The following UBN2 variants were observed in gnomAD, a reference collection of about 807,000 sequenced individuals.
The protein encoded by UBN2 is ubinuclein-2.
Under a neutral mutation model 120.2 loss-of-function variants are expected in UBN2, and 35 were observed. The ratio of observed to expected loss-of-function variants is 0.29; its 90% CI spans 0.22 to 0.39. UBN2 has a LOEUF of 0.39. Among genes scored for constraint, UBN2 ranks in the 10% least tolerant of loss-of-function variants. The pLI, the probability that UBN2 is intolerant of heterozygous loss-of-function variation, is 1.00. For synonymous variants in UBN2, 661 were observed against 648.7 expected (o/e 1.02, Z -0.29); for missense variants, 1,693 against 1,663.2 (o/e 1.02, Z -0.31).
At chr7:139,281,046 T>G (rs1036130792) in intron 13 of UBN2, among the ~76,000 whole-genome samples, 3 of 152,248 alleles carry the variant, frequency 2.0e-5, no homozygotes, top group Admixed American at 6.5e-5. Context: ...TTTTGACACT[T>G]GACTTTATTT....
intron 2 of UBN2, among the ~76,000 whole-genome samples, chr7:139,243,357 A>G (rs1796374205): frequency 1.3e-5 from 2 of 152,190 alleles, no homozygotes; most frequent in African/African-American, 4.8e-5. Flanking sequence ...TTAATTTATA[A>G]ACTGTGTAAT....
intron 13 of UBN2, among the ~76,000 whole-genome samples, chr7:139,280,783 C>T (rs567385101): frequency 3.3e-5 from 5 of 152,254 alleles, no homozygotes; most frequent in South Asian, 2.1e-4. Flanking sequence ...GTAGCTGGGA[C>T]TACAGGCGCA....
At position 139,261,586 on chromosome 7, in the gene UBN2, G is replaced by A; in HGVS notation, c.1240G>A (p.Ala414Thr). Residue 414 changes from alanine (A) to threonine (T), a missense_variant, in exon 6 of 18, where the codon GCT (alanine) becomes ACT (threonine). Physicochemically the swap from Ala to Thr is moderately conservative, Grantham distance 58. Coordinates refer to ENST00000473989, the MANE Select transcript of UBN2 (RefSeq NM_173569.4). ...DDFDFDRLLD[A>T]ASDGSPLSES... Reference sequence around the variant, plus strand: ...TTTTGACTTCGACAGATTACTGGATGCTGCTTCTGATGGTAGCCCCCTATC... The same window carrying A: ...TTTTGACTTCGACAGATTACTGGATACTGCTTCTGATGGTAGCCCCCTATC... 1 of 1,614,210 alleles carries A rather than the reference G, an allele frequency of 6.2e-7. No homozygotes were observed. Among genetic ancestry groups the A allele is most frequent in the Non-Finnish European group, 8.5e-7 (1 of 1,180,034 alleles).
chr7:139,322,728 G>T, the UBN2 span, among the ~76,000 whole-genome samples: 2 of 150,792 alleles, frequency 1.3e-5, no homozygotes, highest in Non-Finnish European at 2.9e-5. Flanking sequence ...GAGACGGGGT[G>T]TCACCATGTT....
At chr7:139,237,124 G>T (rs1796185631) in intron 2 of UBN2, 27 bp downstream of exon 2, 1 of 1,535,346 alleles carries the variant, frequency 6.5e-7, no homozygotes, top group Non-Finnish European at 9.0e-7. Context: ...GATCACTTAG[G>T]TAATTTTATC....
intron 17 of UBN2, among the ~76,000 whole-genome samples, chr7:139,295,352 A>G (rs1798078308): frequency 1.3e-5 from 2 of 152,094 alleles, no homozygotes; most frequent in Admixed American, 6.5e-5. Context: ...TTAAATATCT[A>G]AAGAGAATTT....
At chr7:139,317,972 T>C in the UBN2 span, among the ~76,000 whole-genome samples, 2 of 152,132 alleles carry the variant, frequency 1.3e-5, no homozygotes, top group African/African-American at 4.8e-5. Flanking sequence ...CCAACTATTA[T>C]TGTTTTTATC....
chr7:139,249,460 A>G (rs1796561185), intron 2 of UBN2, among the ~76,000 whole-genome samples: 1 of 152,224 alleles, frequency 6.6e-6, no homozygotes, highest in Non-Finnish European at 1.5e-5. Context: ...AGATCACTGT[A>G]TCTTTGCATT....
intron 8 of UBN2, among the ~76,000 whole-genome samples, chr7:139,271,364 A>T (rs1797269151): frequency 6.6e-6 from 1 of 152,120 alleles, no homozygotes. Context: ...AGGCAGGCAG[A>T]TCACTTGAGG....
Position 139,297,924 on chromosome 7 carries a change from G to T in UBN2, c.*88G>T, listed in dbSNP as rs1360349250. 2.9e-6 allele frequency: 4 copies of T among 1,401,264 alleles called. No homozygotes were observed. The highest frequency in any genetic ancestry group is 4.6e-5 in the East Asian group (2 of 43,078). The allele number at this position is 1,401,264 out of a possible 1,614,324, so 86.8% of individuals were successfully genotyped here. Reference sequence around the variant, plus strand: ...GTACTTATGTGGTCATAGGGCTGCTGTTTCTGTCGATGTTTACATTCTCTC... The same window carrying T: ...GTACTTATGTGGTCATAGGGCTGCTTTTTCTGTCGATGTTTACATTCTCTC... On this transcript the variant is annotated 3_prime_UTR_variant, in exon 18 of 18. Transcript: ENST00000473989.
At chr7:139,259,484 G>A (rs1031890633) in intron 5 of UBN2, 114 bp downstream of exon 5, 35 of 1,354,022 alleles carry the variant, frequency 2.6e-5, no homozygotes, top group Non-Finnish European at 3.2e-5. Context: ...AATTTAGTAC[G>A]TTATTGACAT....
At position 139,298,055 on chromosome 7, in the gene UBN2, C is replaced by A; in HGVS notation, c.*219C>A. On this transcript the variant is annotated 3_prime_UTR_variant, in exon 18 of 18. Transcript: ENST00000473989. ...TTGTGCAAAGTTAGTGACCTTTGGT[C>A]TCTTCTAAAGAATGACAGAGTTACC... is the stretch of plus-strand genomic sequence containing the variant. 1 of 535,192 alleles carries A rather than the reference C, an allele frequency of 1.9e-6. No individual in the cohort carries two copies. Among genetic ancestry groups the A allele is most frequent in the Admixed American group, 3.2e-5 (1 of 31,338 alleles). 33.2% of individuals were successfully genotyped at this position (535,192 alleles called of 1,614,324 possible).
rs1366775648 is a variant in UBN2 at position 139,258,527 on chromosome 7, G to A, written c.703G>A (p.Gly235Arg). 1 of 1,600,046 alleles carries A rather than the reference G, an allele frequency of 6.2e-7. No homozygotes were observed. Among genetic ancestry groups the A allele is most frequent in the Admixed American group, 1.7e-5 (1 of 59,098 alleles). The change falls in exon 4 of 18, where the codon GGA (glycine) becomes AGA (arginine). Residue 235 changes from glycine to arginine, a missense_variant. Gly to Arg is a moderately radical substitution (Grantham distance 125). This residue lies in a region of UBN2 where 663 missense variants were observed against 591.2 expected (regional missense o/e 1.12). Coordinates refer to ENST00000473989, the MANE Select transcript of UBN2 (RefSeq NM_173569.4). ...TCCCGCTTCTCTAACAACAAAATAT[G>A]GAGGCTTTTATATCAACACTGGCAC... is the stretch of plus-strand genomic sequence containing the variant. ...LVPASLTTKY[G>R]GFYINTGTLQ... is the part of the protein sequence containing the mutation.
intron 13 of UBN2, 57 bp downstream of exon 13, chr7:139,279,417 T>G: frequency 7.3e-7 from 1 of 1,367,526 alleles, no homozygotes. Context: ...TGAAATACAT[T>G]CCTAAGATGA....
rs1798295514 is a variant in UBN2 at position 139,302,973 on chromosome 7, G to GGCTA, written c.*5140_*5143dup. The GGCTA allele has an allele frequency of 6.6e-6, 1 of 152,192 alleles. No homozygotes were observed. Among genetic ancestry groups the GGCTA allele is most frequent in the Admixed American group, 6.5e-5 (1 of 15,286 alleles). The allele number at this position is 152,192 out of a possible 1,614,324, so 9.4% of individuals were successfully genotyped here. On this transcript the variant is annotated 3_prime_UTR_variant, in exon 18 of 18. Coordinates refer to ENST00000473989, the MANE Select transcript of UBN2 (RefSeq NM_173569.4). Reference sequence around the variant, plus strand: ...GTGCGCTAGACTAAACATGTGACAAGGCTAGCGTTAGAACCGCAGTTTGGT... The same window carrying GGCTA: ...GTGCGCTAGACTAAACATGTGACAAGGCTAGCTAGCGTTAGAACCGCAGTTTGGT...
At chr7:139,322,894 C>T in the UBN2 span, among the ~76,000 whole-genome samples, 218 of 152,146 alleles carry the variant, frequency 1.4e-3, 1 homozygote, top group Non-Finnish European at 2.8e-3. Flanking sequence ...GGAAAGGCTG[C>T]GTAAACCACC....
intron 6 of UBN2, among the ~76,000 whole-genome samples, chr7:139,265,505 C>G (rs1263561186): frequency 1.3e-5 from 2 of 152,064 alleles, no homozygotes; most frequent in Non-Finnish European, 2.9e-5. Flanking sequence ...TGTATTAAGC[C>G]TTACAAAAGA....
chr7:139,277,160 T>C (rs887030471), intron 12 of UBN2: 1 of 152,240 alleles, frequency 6.6e-6, no homozygotes, highest in African/African-American at 2.4e-5. Context: ...GAGGTCTGTT[T>C]AATATCTTTT....
downstream of UBN2, among the ~76,000 whole-genome samples, chr7:139,312,026 T>C (rs1490679779): frequency 3.3e-5 from 5 of 152,244 alleles, no homozygotes; most frequent in African/African-American, 1.2e-4. Context: ...CATGCGAGTA[T>C]GTGCTGTGGA....
Sources: allele counts gnomAD v4.1 joint callset (sites outside exome capture counted in the v4.1 genomes callset), GRCh38; gene constraint gnomAD v4.1.1; regional missense constraint gnomAD v4.1.1; transcripts MANE v1.5; gene names NCBI Gene and HGNC (gene_info 2026-07-23, HGNC 2026-07-21).